The following PGLYRP2 variants were observed in gnomAD, a reference collection of about 807,000 sequenced individuals.
PGLYRP2 encodes the protein N-acetylmuramoyl-L-alanine amidase.
Under a neutral mutation model 46.2 loss-of-function variants are expected in PGLYRP2, and 38 were observed. That is an observed-to-expected ratio of 0.82 (90% CI 0.64 to 1.08). PGLYRP2 has a LOEUF of 1.08. Among genes scored for constraint, PGLYRP2 ranks in the 50% least tolerant of loss-of-function variants. The probability of loss-of-function intolerance (pLI) is 0.00; values close to 1 mark genes in which losing one functional copy is unlikely to be tolerated. For synonymous variants in PGLYRP2, 289 were observed against 329.4 expected, an observed-to-expected ratio of 0.88 and a Z score of 1.33; for missense variants, 713 against 755.9, an observed-to-expected ratio of 0.94 and a Z score of 0.67.
Position 15,479,310 on chromosome 19 carries a change from C to A in PGLYRP2, c.61+1G>T, listed in dbSNP as rs989624928. On this transcript the variant is annotated splice_donor_variant, in intron 1 of 4. Coordinates refer to ENST00000340880, the MANE Select transcript of PGLYRP2 (RefSeq NM_052890.4). LOFTEE classifies it high-confidence loss of function. Reference sequence around the variant, plus strand: ...TCCCAGGACTCTGCCCCCTGACTCACCTGTCCCTGGGTCTGACCACAGTAG... The same window carrying A: ...TCCCAGGACTCTGCCCCCTGACTCAACTGTCCCTGGGTCTGACCACAGTAG... The A allele has an allele frequency of 4.3e-6, 7 of 1,613,966 alleles. No homozygotes were observed. Among genetic ancestry groups the A allele is most frequent in the Non-Finnish European group, 5.9e-6 (7 of 1,179,994 alleles).
chr19:15,471,358 C>T (rs1599764308), intron 3 of PGLYRP2, among the ~76,000 whole-genome samples: 1 of 152,236 alleles, frequency 6.6e-6, no homozygotes, highest in East Asian at 1.9e-4. Context: ...TCGTGATCCT[C>T]CCGCCTCGGC....
At chr19:15,478,150 C>A (rs1970814663) in intron 1 of PGLYRP2, among the ~76,000 whole-genome samples, 1 of 152,120 alleles carries the variant, frequency 6.6e-6, no homozygotes, top group African/African-American at 2.4e-5. Flanking sequence ...AGTTTGAGAC[C>A]AGCCTGGCCA....
In PGLYRP2 at chr19:15,475,533, C is replaced by G; in HGVS notation, c.1132+5G>C. ...AGGATCACAGGGTGTGGGGAACTTC[C>G]TCACCCAGGAAGGCCTCAGTGAATT... On this transcript the variant is annotated splice_donor_5th_base_variant and intron_variant, in intron 2 of 4. Transcript: ENST00000340880. The G allele has an allele frequency of 6.3e-7, 1 of 1,579,734 alleles. No homozygotes were observed. Among genetic ancestry groups the G allele is most frequent in the South Asian group, 1.2e-5 (1 of 86,138 alleles).
chr19:15,478,626 C>CTTT (rs1262985312), intron 1 of PGLYRP2, among the ~76,000 whole-genome samples: 1 of 147,528 alleles, frequency 6.8e-6, no homozygotes, highest in African/African-American at 2.5e-5. Flanking sequence ...CAGGATTTGC[C>CTTT]TTTGTTTTTT....
rs373319363 is a variant in PGLYRP2, at chr19:15,475,712, G to A, written c.958C>T (p.Arg320Trp). 19 of 1,613,936 alleles carry A rather than the reference G, an allele frequency of 1.2e-5. No homozygotes were observed. In the Middle Eastern group the frequency reaches 4.9e-4, roughly 42 times the overall value. The change falls in exon 2 of 5, where the codon CGG becomes TGG. Residue 320 changes from arginine to tryptophan, a missense_variant. Coordinates refer to ENST00000340880, the MANE Select transcript of PGLYRP2 (RefSeq NM_052890.4). ...GAAGTCAGAGCAGCACCGTTCTGCCGTCGGAAGTTGCTGCGGAACCCTGGG... is the reference window on the plus strand; with the variant it reads ...GAAGTCAGAGCAGCACCGTTCTGCCATCGGAAGTTGCTGCGGAACCCTGGG... ...RDPGFRSNFR[R>W]QNGAALTSAS...
chr19:15,471,627 G>T (rs1353027038), intron 3 of PGLYRP2, among the ~76,000 whole-genome samples: 3 of 152,006 alleles, frequency 2.0e-5, no homozygotes, highest in Non-Finnish European at 4.4e-5. Flanking sequence ...CACAGGTCCC[G>T]CTCCTCTCCC....
In PGLYRP2 at chr19:15,469,914, C is replaced by G. The variant is rs1016827249; in HGVS notation, c.1359G>C (p.Ser453=). 1 of 1,435,996 alleles carries G rather than the reference C, an allele frequency of 7.0e-7. No individual in the cohort carries two copies. The highest frequency in any genetic ancestry group is 2.8e-5 in the Admixed American group (1 of 35,930). 89.0% of individuals were successfully genotyped at this position (1,435,996 alleles called of 1,614,324 possible). A position where few individuals can be genotyped will look rare whatever the true frequency, so the allele number is the denominator to read the frequency against. The change falls in exon 4 of 5, where the codon TCG becomes TCC. Residue 453 remains serine (S), a synonymous_variant. Transcript: ENST00000340880. This position sits in a 1 kb window ranked among gnomAD's most constrained non-coding sequence, Gnocchi z 4.9. ...CGCGTCCCTCGTACACGTAGCCGTCCGAGCCCACCACGAAACTGCAGAGGG... is the reference window on the plus strand; with the variant it reads ...CGCGTCCCTCGTACACGTAGCCGTCGGAGCCCACCACGAAACTGCAGAGGG... ...GDIGYSFVVG[S]DGYVYEGRGW... is the part of the protein sequence containing the mutation.
At chr19:15,475,486 G>A (rs540713784) in intron 2 of PGLYRP2, 52 bp downstream of exon 2, 1 of 1,489,116 alleles carries the variant, frequency 6.7e-7, no homozygotes, top group East Asian at 2.3e-5. Flanking sequence ...ACGGGGTGGG[G>A]GCGTCTGTGT....
At chr19:15,471,618 A>G (rs1305897922) in intron 3 of PGLYRP2, among the ~76,000 whole-genome samples, 1 of 152,042 alleles carries the variant, frequency 6.6e-6, no homozygotes, top group African/African-American at 2.4e-5. Context: ...AGACTCTGCC[A>G]CAGGTCCCGC....
rs2144456496 is a variant in PGLYRP2 at position 15,479,335 on chromosome 19, G to A, written c.37C>T (p.Leu13=). ...QGVLWILLGL[L]LWSDPGTASL... is the part of the protein sequence containing the mutation. ...CCTGTCCCTGGGTCTGACCACAGTAGCAATCCGAGTAGGATCCAGAGGACA... is the reference window on the plus strand; with the variant it reads ...CCTGTCCCTGGGTCTGACCACAGTAACAATCCGAGTAGGATCCAGAGGACA... The change falls in exon 1 of 5, where the codon CTA becomes TTA. Residue 13 remains leucine (L), a synonymous_variant. Transcript: ENST00000340880. 2.5e-6 allele frequency: 4 copies of A among 1,614,112 alleles called. No homozygotes were observed. The highest frequency in any genetic ancestry group is 3.4e-6 in the Non-Finnish European group (4 of 1,179,996).
rs950921306 is a variant in PGLYRP2, at chr19:15,469,472, A to G, written c.1641+160T>C. The G allele has an allele frequency of 2.9e-6, 3 of 1,017,564 alleles. No individual in the cohort carries two copies. Among genetic ancestry groups the G allele is most frequent in the Non-Finnish European group, 4.5e-6 (3 of 672,122 alleles). 63.0% of individuals were successfully genotyped at this position (1,017,564 alleles called of 1,614,324 possible). A position where few individuals can be genotyped will look rare whatever the true frequency, so the allele number is the denominator to read the frequency against. On this transcript the variant is annotated intron_variant, in intron 4 of 4. Transcript: ENST00000340880. This position sits in a 1 kb window ranked among gnomAD's most constrained non-coding sequence, Gnocchi z 4.9. ...ATGTTGCCCGCAGAGTGACCCGCAA[A>G]GGCTGGGCCTAGGTTTCCTGAATAG...
At chr19:15,476,809 G>A (rs1970802167) in intron 1 of PGLYRP2, among the ~76,000 whole-genome samples, 1 of 152,148 alleles carries the variant, frequency 6.6e-6, no homozygotes, top group African/African-American at 2.4e-5. Flanking sequence ...GAGTACTGGG[G>A]AGCCATGGCA....
chr19:15,478,767 C>T (rs988257094), intron 1 of PGLYRP2, among the ~76,000 whole-genome samples: 2 of 151,722 alleles, frequency 1.3e-5, no homozygotes, highest in East Asian at 1.9e-4. Flanking sequence ...ATTACAGGTG[C>T]CTGCCACCAC....
Position 15,479,327 on chromosome 19 carries a change from C to A in PGLYRP2, c.45G>T (p.Trp15Cys), listed in dbSNP as rs1970824960. Residue 15 changes from tryptophan (W) to cysteine (C), a missense_variant, in exon 1 of 5, where the codon TGG (tryptophan) becomes TGT (cysteine). Transcript: ENST00000340880. ...CTGACTCACCTGTCCCTGGGTCTGA[C>A]CACAGTAGCAATCCGAGTAGGATCC... is the stretch of plus-strand genomic sequence containing the variant. ...VLWILLGLLL[W>C]SDPGTASLPL... The A allele has an allele frequency of 6.2e-7, 1 of 1,614,072 alleles. No individual in the cohort carries two copies. Among genetic ancestry groups the A allele is most frequent in the South Asian group, 1.1e-5 (1 of 91,080 alleles).
chr19:15,470,993 G>T (rs1194847995), intron 3 of PGLYRP2, among the ~76,000 whole-genome samples: 1 of 151,804 alleles, frequency 6.6e-6, no homozygotes, highest in African/African-American at 2.4e-5. Flanking sequence ...AGGCTAGAGT[G>T]CAGAGATGCG....
At chr19:15,477,291 G>T (rs1470217977) in intron 1 of PGLYRP2, among the ~76,000 whole-genome samples, 1 of 151,774 alleles carries the variant, frequency 6.6e-6, no homozygotes, top group African/African-American at 2.4e-5. Flanking sequence ...TACTTGGGAG[G>T]CTGAGACGGG....
rs367629478 is a variant in PGLYRP2, at chr19:15,472,240, C to T, written c.1133-140G>A. The T allele has an allele frequency of 1.8e-5, 12 of 670,198 alleles. No homozygotes were observed. The East Asian group carries it at 3.0e-4, about 17-fold the overall frequency. 41.5% of individuals were successfully genotyped at this position (670,198 alleles called of 1,614,324 possible). A position where few individuals can be genotyped will look rare whatever the true frequency, so the allele number is the denominator to read the frequency against. ...GGTCCAGTCTCACCCCACATTGGTCCTCCCTGGGGACCAACTAACTATACT... is the reference window on the plus strand; with the variant it reads ...GGTCCAGTCTCACCCCACATTGGTCTTCCCTGGGGACCAACTAACTATACT... On this transcript the variant is annotated intron_variant, in intron 2 of 4. Coordinates refer to ENST00000340880, the MANE Select transcript of PGLYRP2 (RefSeq NM_052890.4).
chr19:15,476,194 A>T lies in PGLYRP2; in HGVS notation c.476T>A (p.Val159Glu). 1 of 1,614,158 alleles carries T rather than the reference A, an allele frequency of 6.2e-7. No individual in the cohort carries two copies. The highest frequency in any genetic ancestry group is 8.5e-7 in the Non-Finnish European group (1 of 1,180,026). The change falls in exon 2 of 5, where the codon GTG becomes GAG. Residue 159 changes from valine (V) to glutamate (E), a missense_variant. Transcript: ENST00000340880. ...GGCTCTTACATCTGGAGCAATGGCC[A>T]CAACATCTGGAAAGGTATCTCCAGT... ...WETGDTFPDV[V>E]AIAPDVRATS...
chr19:15,472,061 G>T lies in PGLYRP2; in HGVS notation c.1172C>A (p.Ala391Glu), dbSNP rs749148787. Residue 391 changes from alanine to glutamate, a missense_variant, in exon 3 of 5, where the codon GCG (alanine) becomes GAG (glutamate). By Grantham distance (107) the Ala-to-Glu change is moderately radical. Coordinates refer to ENST00000340880, the MANE Select transcript of PGLYRP2 (RefSeq NM_052890.4). ...AIHPRCRWGA[A>E]PYRGRPKLLQ... is the part of the protein sequence containing the mutation. The stretch of plus-strand genomic sequence containing the variant: ...CAGCTTCGGGCGGCCCCGATAAGGC[G>T]CCGCTCCCCAGCGGCAGCGGGGGTG... 1 of 1,607,942 alleles carries T rather than the reference G, an allele frequency of 6.2e-7. No homozygotes were observed. The highest frequency in any genetic ancestry group is 8.5e-7 in the Non-Finnish European group (1 of 1,179,822).
Sources: allele counts gnomAD v4.1 joint callset (sites outside exome capture counted in the v4.1 genomes callset), GRCh38; gene constraint gnomAD v4.1.1; non-coding constraint Gnocchi (gnomAD v3.1); transcripts MANE v1.5; gene names NCBI Gene and HGNC (gene_info 2026-07-23, HGNC 2026-07-21).